Variants in MTCL1 observed in about 807,000 individuals in gnomAD.
MTCL1 encodes the protein microtubule cross-linking factor 1.
Under a neutral mutation model 141.4 loss-of-function variants are expected in MTCL1, and 79 were observed. The ratio of observed to expected loss-of-function variants is 0.56; its 90% CI spans 0.47 to 0.67. The LOEUF is 0.67. Among genes scored for constraint, MTCL1 ranks in the 30% least tolerant of loss-of-function variants. The pLI is 0.00. For missense variants in MTCL1, 2,177 were observed against 2,113.9 expected (o/e 1.03, Z -0.59); for synonymous variants, 914 against 875.8 (o/e 1.04, Z -0.77).
chr18:8,828,769 T>G lies in MTCL1; in HGVS notation c.4723-139T>G. The G allele has an allele frequency of 7.0e-7, 1 of 1,418,626 alleles. No homozygotes were observed. Among genetic ancestry groups the G allele is most frequent in the Non-Finnish European group, 9.5e-7 (1 of 1,053,338 alleles). 87.9% of individuals were successfully genotyped at this position (1,418,626 alleles called of 1,614,324 possible). On this transcript the variant is annotated intron_variant, in intron 15 of 16. Transcript: ENST00000359865. The surrounding 1 kb of genome is among the most constrained non-coding windows in gnomAD (Gnocchi z 5.2). ...CTAGATCTGAGAGCCCGCAAGTCTC[T>G]CCTGGTGGCTACCCCTGAGCGAGAG...
At chr18:8,706,476 G>C in exon 1 of MTCL1, 1 of 1,265,060 alleles carries the variant, frequency 7.9e-7, no homozygotes, top group Non-Finnish European at 9.9e-7. Flanking sequence ...TCCTCGCCGC[G>C]CCCCTCGCCG....
chr18:8,815,578 C>T (rs1409348642), intron 12 of MTCL1, among the ~76,000 whole-genome samples: 1 of 150,720 alleles, frequency 6.6e-6, no homozygotes, highest in Non-Finnish European at 1.5e-5. Context: ...TGCAACTAAC[C>T]TGCACATTGT....
At chr18:8,769,913 T>C (rs2096477863) in intron 4 of MTCL1, among the ~76,000 whole-genome samples, 2 of 152,240 alleles carry the variant, frequency 1.3e-5, no homozygotes, top group South Asian at 4.1e-4. Flanking sequence ...CTTTGAGAAA[T>C]CATCAGTGCC....
At chr18:8,770,664 A>G (rs73396448) in intron 4 of MTCL1, among the ~76,000 whole-genome samples, 4,680 of 152,334 alleles carry the variant, frequency 0.031, 211 homozygotes, top group East Asian at 0.09. Flanking sequence ...CATTTAGTCC[A>G]TAACAGATGT....
intron 4 of MTCL1, among the ~76,000 whole-genome samples, 166 bp downstream of exon 3, chr18:8,720,662 A>G (rs1476625140): frequency 6.6e-6 from 1 of 152,250 alleles, no homozygotes; most frequent in Non-Finnish European, 1.5e-5. Flanking sequence ...CTAGCGTGGT[A>G]AACAAACAAG....
At chr18:8,780,334 A>C (rs1568017215) in intron 5 of MTCL1, among the ~76,000 whole-genome samples, 1 of 152,168 alleles carries the variant, frequency 6.6e-6, no homozygotes, top group Non-Finnish European at 1.5e-5. Flanking sequence ...CACCTCCTGG[A>C]CTGGCTCCAC....
rs142399407 is a variant in MTCL1, at chr18:8,806,379, A to G, written c.2437-514A>G. Among the ~76,000 whole-genome samples, 78 of 152,270 alleles carry G rather than the reference A, an allele frequency of 5.1e-4. 1 individual carries two copies. The East Asian group carries it at 0.013, about 26-fold the overall frequency. On this transcript the variant is annotated intron_variant, in intron 10 of 16. Coordinates refer to ENST00000359865, the Ensembl canonical transcript of MTCL1. ...TCTTTATTAATTCTCCTCTAGTACA[A>G]CATCTGGCACTAGAATGGCAGCATA... is the stretch of plus-strand genomic sequence containing the variant.
At chr18:8,809,770 C>A in intron 11 of MTCL1, 1 of 702,202 alleles carries the variant, frequency 1.4e-6, no homozygotes, top group Non-Finnish European at 2.3e-6. Flanking sequence ...CGCAGAGAGA[C>A]AACCAGTTGG....
chr18:8,759,260 T>G (rs2096418123), intron 4 of MTCL1, among the ~76,000 whole-genome samples: 1 of 152,236 alleles, frequency 6.6e-6, no homozygotes, highest in Non-Finnish European at 1.5e-5. Flanking sequence ...AAGTAAATGC[T>G]TGTTCTTCTC....
chr18:8,821,433 A>T (rs1222463414), intron 13 of MTCL1, 34 bp from the exon 13 acceptor site: 1 of 1,406,950 alleles, frequency 7.1e-7, no homozygotes, highest in African/African-American at 1.4e-5. Flanking sequence ...AACCAAAATT[A>T]ACCGATTCAG....
At chr18:8,777,209 C>G (rs983521047) in intron 4 of MTCL1, among the ~76,000 whole-genome samples, 3 of 152,200 alleles carry the variant, frequency 2.0e-5, no homozygotes, top group African/African-American at 7.2e-5. Context: ...GCACGCTAGC[C>G]TGGGTGACAA....
intron 5 of MTCL1, 131 bp from the exon 5 acceptor site, chr18:8,783,399 A>T (rs1339698829): frequency 2.3e-6 from 2 of 875,984 alleles, no homozygotes; most frequent in Non-Finnish European, 3.4e-6. Flanking sequence ...TATGTAACTC[A>T]GCGGCACCGA....
At chr18:8,709,813 A>T (rs2096076911) in intron 1 of MTCL1, among the ~76,000 whole-genome samples, 1 of 152,226 alleles carries the variant, frequency 6.6e-6, no homozygotes, top group Admixed American at 6.5e-5. Flanking sequence ...CTTGGCTTTT[A>T]GCCAGGCTGC....
At chr18:8,781,794 G>T (rs1489262393) in intron 5 of MTCL1, among the ~76,000 whole-genome samples, 1 of 152,216 alleles carries the variant, frequency 6.6e-6, no homozygotes, top group African/African-American at 2.4e-5. Flanking sequence ...GACAGTAGGA[G>T]GGGCAAAGCT....
chr18:8,731,380 C>A (rs540128940), intron 4 of MTCL1, among the ~76,000 whole-genome samples: 7 of 152,156 alleles, frequency 4.6e-5, no homozygotes, highest in African/African-American at 1.4e-4. Flanking sequence ...TCAAGACCAG[C>A]CTAGCCAACA....
chr18:8,798,754 AAATT>A (rs1269286201), intron 10 of MTCL1, among the ~76,000 whole-genome samples: 1 of 152,266 alleles, frequency 6.6e-6, no homozygotes, highest in Non-Finnish European at 1.5e-5. Flanking sequence ...ACTTTGAAAA[AAATT>A]AATGTATAAA....
chr18:8,785,964 A>G, exon 7 of MTCL1: 1 of 1,598,724 alleles, frequency 6.3e-7, no homozygotes, highest in Non-Finnish European at 8.5e-7. Context: ...CTGGAGTGGC[A>G]GCTCGGGCCG....
chr18:8,798,361 G>A, intron 10 of MTCL1, 70 bp downstream of exon 9: 1 of 1,334,306 alleles, frequency 7.5e-7, no homozygotes, highest in South Asian at 2.0e-5. Flanking sequence ...CTGCATTTGG[G>A]TCGTTTTGTT....
At position 8,735,143 on chromosome 18, in the gene MTCL1, C is replaced by T. The variant is rs1046400259; in HGVS notation, c.357+14647C>T. 3.3e-5 allele frequency among the ~76,000 whole-genome samples: 5 copies of T among 152,168 alleles called. No individual in the cohort carries two copies. In the South Asian group the frequency reaches 8.3e-4, roughly 25 times the overall value. On this transcript the variant is annotated intron_variant, in intron 4 of 16. Transcript: ENST00000359865. ...CATGAGTTTTATATTTCCAGGACTA[C>T]AGAAGTTGTAAAGGACAATAACTGT...
Sources: allele counts gnomAD v4.1 joint callset (sites outside exome capture counted in the v4.1 genomes callset), GRCh38; gene constraint gnomAD v4.1.1; non-coding constraint Gnocchi (gnomAD v3.1); transcripts MANE v1.5; gene names NCBI Gene and HGNC (gene_info 2026-07-23, HGNC 2026-07-21).